Variants in THSD4 observed in about 807,000 individuals in gnomAD.
THSD4 encodes thrombospondin type 1 domain containing 4, also known as thrombospondin type-1 domain-containing protein 4.
Under a neutral mutation model 119.0 loss-of-function variants are expected in THSD4, and 69 were observed. The ratio of observed to expected loss-of-function variants is 0.58; its 90% confidence interval spans 0.48 to 0.71. The LOEUF (loss-of-function observed/expected upper bound fraction) is 0.71. THSD4 is among the 30% of genes least tolerant of loss of function. The pLI is 0.00. For missense variants in THSD4, 1,393 were observed against 1,391.1 expected, an observed-to-expected ratio of 1.00 and a Z score of -0.02; for synonymous variants, 524 against 540.4, an observed-to-expected ratio of 0.97 and a Z score of 0.42.
At chr15:71,504,461 G>A (rs2048159964) in intron 7 of THSD4, among the ~76,000 whole-genome samples, 1 of 152,124 alleles carries the variant, frequency 6.6e-6, no homozygotes, top group Non-Finnish European at 1.5e-5. Context: ...GAAGCGTAAA[G>A]ACTAAAGTCA....
chr15:71,455,348 C>G (rs55999058), intron 7 of THSD4, among the ~76,000 whole-genome samples: 1 of 152,024 alleles, frequency 6.6e-6, no homozygotes, highest in Non-Finnish European at 1.5e-5. Flanking sequence ...GTCATGTAGT[C>G]GTGTTTACTG....
chr15:71,453,785 G>C (rs564823374), intron 7 of THSD4, among the ~76,000 whole-genome samples: 2 of 152,274 alleles, frequency 1.3e-5, no homozygotes, highest in East Asian at 3.9e-4. Flanking sequence ...GATTGTGATG[G>C]TCATTGCCTT....
chr15:71,494,026 A>G (rs1388067111), intron 7 of THSD4, among the ~76,000 whole-genome samples: 2 of 152,328 alleles, frequency 1.3e-5, no homozygotes, highest in South Asian at 2.1e-4. Context: ...CGTCGCTTTC[A>G]GGTGGCACCT....
intron 6 of THSD4, among the ~76,000 whole-genome samples, chr15:71,299,446 T>C (rs538478917): frequency 6.6e-6 from 1 of 152,334 alleles, no homozygotes; most frequent in South Asian, 2.1e-4. Flanking sequence ...GAGGACTTTA[T>C]GCTAAGTGAA....
At chr15:71,314,587 A>G (rs2045160815) in intron 6 of THSD4, among the ~76,000 whole-genome samples, 1 of 152,226 alleles carries the variant, frequency 6.6e-6, no homozygotes, top group South Asian at 2.1e-4. Context: ...GATTACAGGC[A>G]TGAGCCACCC....
chr15:71,593,875 G>A (rs1159518867), intron 7 of THSD4, among the ~76,000 whole-genome samples: 1 of 151,796 alleles, frequency 6.6e-6, no homozygotes, highest in Non-Finnish European at 1.5e-5. Flanking sequence ...CTGCACTCCA[G>A]CCTGGACAAC....
At chr15:71,565,697 A>T (rs2049223539) in intron 7 of THSD4, among the ~76,000 whole-genome samples, 1 of 152,190 alleles carries the variant, frequency 6.6e-6, no homozygotes. Context: ...AATTGCAAAC[A>T]AACACTGAAC....
chr15:71,234,103 G>A (rs2044082705), intron 4 of THSD4, among the ~76,000 whole-genome samples: 1 of 152,126 alleles, frequency 6.6e-6, no homozygotes, highest in Non-Finnish European at 1.5e-5. Context: ...AACCACAAAG[G>A]GGTGATCCAC....
chr15:71,185,720 T>G (rs2043593875), intron 3 of THSD4: 1 of 152,202 alleles, frequency 6.6e-6, no homozygotes. Context: ...GGAGGAGGGC[T>G]TATTGTTTAG....
chr15:71,291,312 T>A (rs540832068), intron 6 of THSD4, among the ~76,000 whole-genome samples: 1 of 152,306 alleles, frequency 6.6e-6, no homozygotes, highest in East Asian at 1.9e-4. Flanking sequence ...ACCAATAGTA[T>A]GCATATATAG....
chr15:71,141,337 A>G, intron 1 of THSD4, 112 bp from the exon 2 acceptor site: 1 of 578,382 alleles, frequency 1.7e-6, no homozygotes, highest in Middle Eastern at 2.9e-4. Context: ...ATAACTGGGC[A>G]CTTTTGTTTT....
chr15:71,558,865 T>C (rs1349098833), intron 7 of THSD4, among the ~76,000 whole-genome samples: 1 of 152,180 alleles, frequency 6.6e-6, no homozygotes, highest in Non-Finnish European at 1.5e-5. Flanking sequence ...GTTTCGGTGT[T>C]TTTTTAAATT....
intron 14 of THSD4, among the ~76,000 whole-genome samples, chr15:71,756,144 A>G (rs1434501881): frequency 6.6e-6 from 1 of 152,208 alleles, no homozygotes; most frequent in African/African-American, 2.4e-5. Flanking sequence ...AATTTTTAGC[A>G]TGGAGTTCTC....
chr15:71,703,901 G>C (rs373582876), intron 8 of THSD4, among the ~76,000 whole-genome samples: 160 of 152,290 alleles, frequency 1.1e-3, no homozygotes, highest in African/African-American at 3.8e-3. Flanking sequence ...CCAGGCTGGA[G>C]TGCAGTGGCG....
At chr15:71,764,272 C>G (rs1448146557) in intron 15 of THSD4, among the ~76,000 whole-genome samples, 2 of 152,104 alleles carry the variant, frequency 1.3e-5, no homozygotes, top group Non-Finnish European at 2.9e-5. Flanking sequence ...ATTGAGTAAA[C>G]CAAACATGAA....
chr15:71,633,269 C>CTTTTT (rs67682951), intron 7 of THSD4, among the ~76,000 whole-genome samples: 125 of 63,174 alleles, frequency 2.0e-3, no homozygotes, highest in African/African-American at 4.2e-3. Flanking sequence ...TTCTTTCTTT[C>CTTTTT]TTTTTTTTTT....
chr15:71,283,068 CA>C (rs1467491287), intron 6 of THSD4, among the ~76,000 whole-genome samples: 1 of 150,220 alleles, frequency 6.7e-6, no homozygotes, highest in South Asian at 2.1e-4. Context: ...CTCCCGGGTT[CA>C]AACGATTCTT....
At chr15:71,527,249 G>A (rs1234037055) in intron 7 of THSD4, among the ~76,000 whole-genome samples, 2 of 152,092 alleles carry the variant, frequency 1.3e-5, no homozygotes, top group South Asian at 2.1e-4. Context: ...AGAACTGGGA[G>A]AAATAAATTT....
chr15:71,705,279 T>C (rs766253356), intron 8 of THSD4, among the ~76,000 whole-genome samples: 11 of 152,218 alleles, frequency 7.2e-5, no homozygotes, highest in Non-Finnish European at 1.6e-4. Context: ...GAGGACAGGC[T>C]GAGCCCTGTG....
Sources: allele counts gnomAD v4.1 joint callset (sites outside exome capture counted in the v4.1 genomes callset), GRCh38; gene constraint gnomAD v4.1.1; transcripts MANE v1.5; gene names NCBI Gene and HGNC (gene_info 2026-07-23, HGNC 2026-07-21).